Variants in MYOF observed in about 807,000 individuals in gnomAD.
MYOF encodes the protein myoferlin, also known as fer-1-like 3, myoferlin.
Under a neutral mutation model 284.2 loss-of-function variants are expected in MYOF, and 244 were observed. The ratio of observed to expected loss-of-function variants is 0.86; its 90% CI spans 0.77 to 0.95. The LOEUF (loss-of-function observed/expected upper bound fraction) is 0.95. Ranked by LOEUF, MYOF falls within the 40% of genes least tolerant of loss-of-function variation. The probability of loss-of-function intolerance (pLI) is 0.00; values close to 1 mark genes in which losing one functional copy is unlikely to be tolerated. For missense variants in MYOF, 2,496 were observed against 2,560.6 expected (o/e 0.97, Z 0.54); for synonymous variants, 904 against 919.7 (o/e 0.98, Z 0.31).
chr10:93,474,469 A>C (rs536204201), intron 1 of MYOF, among the ~76,000 whole-genome samples: 4 of 152,240 alleles, frequency 2.6e-5, no homozygotes, highest in Admixed American at 2.6e-4. Flanking sequence ...TCACTCTTTC[A>C]TCTACTCAGA....
Position 93,333,300 on chromosome 10 carries a change from T to C in MYOF, c.4732A>G (p.Ile1578Val). 6.2e-7 allele frequency: 1 copy of C among 1,613,998 alleles called. No homozygotes were observed. The highest frequency in any genetic ancestry group is 8.5e-7 in the Non-Finnish European group (1 of 1,179,828). Residue 1578 changes from isoleucine (I) to valine (V), a missense_variant, in exon 43 of 54, where the codon ATA becomes GTA. Around this residue, in one of 3 missense-constraint regions of MYOF, gnomAD observed 2,436 missense variants for 2,480.7 expected, o/e 0.98. Coordinates refer to ENST00000359263, the MANE Select transcript of MYOF (RefSeq NM_013451.4). ...ACTTTTTTGCCCAGTGTTATTTTTA[T>C]GTAAGGGTCACACTGTGGGACAAAA... ...QDNNGLCDPYIKITLGKKVIE... is the reference protein window; with the variant it reads ...QDNNGLCDPYVKITLGKKVIE...
chr10:93,325,963 C>T lies in MYOF; in HGVS notation c.5134G>A (p.Ala1712Thr). 1.9e-6 allele frequency: 3 copies of T among 1,614,004 alleles called. No individual in the cohort carries two copies. The highest frequency in any genetic ancestry group is 1.7e-6 in the Non-Finnish European group (2 of 1,179,952). ...AGGTGCTGGTGCAGGATTTTGTTGG[C>T]TTCTGCAATGGAAAGCAGCATTGAA... ...GRDYSLDEFEANKILHQHLGA... is the reference protein window; with the variant it reads ...GRDYSLDEFETNKILHQHLGA... The change falls in exon 46 of 54, where the codon GCC (alanine) becomes ACC (threonine). Residue 1712 changes from alanine to threonine, a missense_variant and splice_region_variant. Ala to Thr is a moderately conservative substitution (Grantham distance 58). Around this residue, in one of 3 missense-constraint regions of MYOF, gnomAD observed 2,436 missense variants for 2,480.7 expected, o/e 0.98. Transcript: ENST00000359263.
At chr10:93,480,300 C>T (rs989867783) in intron 1 of MYOF, among the ~76,000 whole-genome samples, 1 of 152,014 alleles carries the variant, frequency 6.6e-6, no homozygotes, top group African/African-American at 2.4e-5. Context: ...CCTGTAATCC[C>T]AACACTTTGG....
intron 7 of MYOF, among the ~76,000 whole-genome samples, chr10:93,407,737 C>CAAA (rs34172104): frequency 4.6e-4 from 44 of 95,094 alleles, no homozygotes; most frequent in African/African-American, 1.3e-3. Flanking sequence ...GACTCTGTCT[C>CAAA]AAAAAAAAAA....
At chr10:93,420,538 C>G (rs940945923) in intron 5 of MYOF, among the ~76,000 whole-genome samples, 2 of 152,212 alleles carry the variant, frequency 1.3e-5, no homozygotes, top group African/African-American at 4.8e-5. Context: ...AAAAAAGAAG[C>G]CCTCAGGTGT....
rs745860644 is a variant in MYOF, at chr10:93,310,009, AG to A, written c.6147+10del. On this transcript the variant is annotated intron_variant, in intron 53 of 53. Transcript: ENST00000359263. The stretch of plus-strand genomic sequence containing the variant: ...GAAAGCCAAGACAAGGGGCCAAGGA[AG>A]GGCTCCTACCGGCAAAGAGTAGAGG... 1.7e-5 allele frequency: 27 copies of A among 1,614,050 alleles called. No homozygotes were observed. The African/African-American group carries it at 3.3e-4, about 20-fold the overall frequency.
At chr10:93,398,158 C>G (rs937568021) in intron 13 of MYOF, among the ~76,000 whole-genome samples, 2 of 152,132 alleles carry the variant, frequency 1.3e-5, no homozygotes, top group Non-Finnish European at 2.9e-5. Flanking sequence ...TAGTTTTCCC[C>G]GCTTGCTGGC....
chr10:93,351,793 G>A lies in MYOF; in HGVS notation c.3535C>T (p.His1179Tyr), dbSNP rs550707290. The A allele has an allele frequency of 8.8e-6, 14 of 1,594,488 alleles. No homozygotes were observed. The African/African-American group carries it at 1.5e-4, about 17-fold the overall frequency. Reference protein sequence around the residue: ...LHRSKTTEIIHSTLNPTWDQT... With the variant: ...LHRSKTTEIIYSTLNPTWDQT... ...TCCCACGTGGGATTCAGGGTTGAAT[G>A]GATGATCTCAGTGGTTTTGCTCCGA... Residue 1179 changes from histidine (H) to tyrosine (Y), a missense_variant, in exon 33 of 54, where the codon CAT (histidine) becomes TAT (tyrosine). By Grantham distance (83) the His-to-Tyr change is moderately conservative. Coordinates refer to ENST00000359263, the MANE Select transcript of MYOF (RefSeq NM_013451.4).
intron 43 of MYOF, among the ~76,000 whole-genome samples, chr10:93,331,549 G>A (rs943732525): frequency 2.6e-4 from 40 of 152,082 alleles, no homozygotes; most frequent in East Asian, 7.7e-4. Flanking sequence ...TCTCCCTCAC[G>A]GGAGCCCTCC....
Position 93,323,299 on chromosome 10 carries a change from A to AG in MYOF, c.5330dup (p.Asn1779GlnfsTer36). On this transcript the variant is annotated frameshift_variant, in exon 47 of 54. Transcript: ENST00000359263. LOFTEE classifies it high-confidence loss of function. ...TGGCTTTCCGGGGTGTGATGTTGAA[A>AG]GGAGGGCCTGGTGGCCCCAAACTCT... is the stretch of plus-strand genomic sequence containing the variant. 6.2e-7 allele frequency: 1 copy of AG among 1,614,152 alleles called. No individual in the cohort carries two copies. The highest frequency in any genetic ancestry group is 8.5e-7 in the Non-Finnish European group (1 of 1,179,976).
intron 5 of MYOF, among the ~76,000 whole-genome samples, chr10:93,411,191 A>G (rs563482784): frequency 4.6e-5 from 7 of 152,312 alleles, no homozygotes; most frequent in Non-Finnish European, 8.8e-5. Flanking sequence ...TTGGGCTGCT[A>G]TAACAAAATA....
intron 4 of MYOF, 48 bp from the exon 5 acceptor site, chr10:93,426,206 C>T (rs1032734023): frequency 2.6e-6 from 4 of 1,533,680 alleles, no homozygotes; most frequent in Admixed American, 2.0e-5. Flanking sequence ...AGGGCACCAG[C>T]ATGTTATAGA....
chr10:93,410,056 T>C (rs1847836897), intron 5 of MYOF, among the ~76,000 whole-genome samples: 2 of 152,188 alleles, frequency 1.3e-5, no homozygotes, highest in African/African-American at 4.8e-5. Flanking sequence ...GAGTTCTCAT[T>C]AGTGTTAGGA....
At chr10:93,356,005 G>A (rs1844785706) in intron 30 of MYOF, among the ~76,000 whole-genome samples, 1 of 151,964 alleles carries the variant, frequency 6.6e-6, no homozygotes, top group African/African-American at 2.4e-5. Flanking sequence ...CTGAAAGAAA[G>A]GGAAAAAAAG....
intron 1 of MYOF, among the ~76,000 whole-genome samples, chr10:93,481,195 G>A (rs915580819): frequency 6.6e-6 from 1 of 152,144 alleles, no homozygotes; most frequent in African/African-American, 2.4e-5. Flanking sequence ...TAGAAAAATA[G>A]CCTTTTAAAA....
At chr10:93,356,272 A>C (rs787629) in intron 30 of MYOF, among the ~76,000 whole-genome samples, 110,910 of 152,058 alleles carry the variant, frequency 0.73, 40,670 homozygotes, top group East Asian at 0.98. Flanking sequence ...TGTGAGCTAG[A>C]CTTCTGATTT....
At chr10:93,378,693 G>GTGTATATATATATATATATATATATATA in intron 21 of MYOF, among the ~76,000 whole-genome samples, 1 of 87,894 alleles carries the variant, frequency 1.1e-5, no homozygotes, top group African/African-American at 4.8e-5. Flanking sequence ...GTGTGTGTGT[G>GTGTATATATATATATATATATATATATA]TATATATATA....
chr10:93,339,477 T>A (rs923235896), intron 39 of MYOF, among the ~76,000 whole-genome samples: 4 of 151,952 alleles, frequency 2.6e-5, no homozygotes, highest in South Asian at 2.1e-4. Flanking sequence ...GTTCTTTTTT[T>A]AAATTTTGAC....
chr10:93,358,617 C>A (rs1295559181), intron 29 of MYOF, among the ~76,000 whole-genome samples: 1 of 152,048 alleles, frequency 6.6e-6, no homozygotes, highest in Non-Finnish European at 1.5e-5. Flanking sequence ...TACTATGCAG[C>A]CATAAAAAGG....
Sources: allele counts gnomAD v4.1 joint callset (sites outside exome capture counted in the v4.1 genomes callset), GRCh38; gene constraint gnomAD v4.1.1; regional missense constraint gnomAD v4.1.1; transcripts MANE v1.5; gene names NCBI Gene and HGNC (gene_info 2026-07-23, HGNC 2026-07-21).